SLC17A5: variants seen among roughly 807,000 people sequenced by gnomAD.
SLC17A5 encodes solute carrier family 17 member 5, also known as sialin.
In SLC17A5, 47 loss-of-function variants were observed where a neutral mutation model predicts 59.4. The observed-to-expected ratio is 0.79, with a 90% CI of 0.63 to 1.01. SLC17A5 has a LOEUF of 1.01. SLC17A5 is among the 50% of genes least tolerant of loss of function. SLC17A5 has a pLI of 0.00. For synonymous variants in SLC17A5, 202 were observed against 210.7 expected, an observed-to-expected ratio of 0.96 and a Z score of 0.36; for missense variants, 522 against 595.5, an observed-to-expected ratio of 0.88 and a Z score of 1.28.
chr6:73,627,817 C>T (rs1045402046), intron 6 of SLC17A5, among the ~76,000 whole-genome samples: 2 of 151,770 alleles, frequency 1.3e-5, no homozygotes, highest in Admixed American at 6.6e-5. Flanking sequence ...TTAGTAGAGA[C>T]AGGGTTTCAC....
At chr6:73,650,792 TAA>T (rs1349234840) in intron 1 of SLC17A5, among the ~76,000 whole-genome samples, 11 of 152,064 alleles carry the variant, frequency 7.2e-5, no homozygotes, top group Admixed American at 5.2e-4. Context: ...CACTAGAATA[TAA>T]AAGTCTATAA....
intron 6 of SLC17A5, 118 bp downstream of exon 6, chr6:73,635,264 C>A: frequency 1.6e-6 from 1 of 640,302 alleles, no homozygotes. Flanking sequence ...ATTTCATTTG[C>A]CTATTCTACT....
intron 9 of SLC17A5, 70 bp downstream of exon 9, chr6:73,610,330 G>A: frequency 6.4e-7 from 1 of 1,568,658 alleles, no homozygotes; most frequent in East Asian, 2.3e-5. Context: ...CACCGCCTCT[G>A]GCCTTTTATC....
At chr6:73,613,942 G>T (rs1245481480) in intron 8 of SLC17A5, among the ~76,000 whole-genome samples, 1 of 151,828 alleles carries the variant, frequency 6.6e-6, no homozygotes, top group Admixed American at 6.6e-5. Flanking sequence ...AATAAAGCGA[G>T]ACCTTGTCCC....
rs1452322842 is a variant in SLC17A5, at chr6:73,602,589, A to G, written c.1260-2148T>C. Among the ~76,000 whole-genome samples the G allele has an allele frequency of 7.9e-5, 12 of 152,268 alleles. No homozygotes were observed. The East Asian group carries it at 1.9e-3, about 25-fold the overall frequency. On this transcript the variant is annotated intron_variant, in intron 9 of 10. Coordinates refer to ENST00000355773, the MANE Select transcript of SLC17A5 (RefSeq NM_012434.5). The stretch of plus-strand genomic sequence containing the variant: ...GGAGATCGAGACCATGCTGGCTAAC[A>G]TGGTGAAACCCCGTCTCTACCAAAA...
chr6:73,607,695 C>A (rs1324966657), intron 9 of SLC17A5, among the ~76,000 whole-genome samples: 1 of 152,050 alleles, frequency 6.6e-6, no homozygotes, highest in African/African-American at 2.4e-5. Context: ...CCTAAGCTAC[C>A]TTTCAGATTT....
intron 9 of SLC17A5, among the ~76,000 whole-genome samples, chr6:73,606,209 A>C (rs927293355): frequency 4.6e-5 from 7 of 151,612 alleles, no homozygotes; most frequent in African/African-American, 1.7e-4. Flanking sequence ...CACCTGGTTA[A>C]TTTTTGTATT....
At chr6:73,641,200 C>T (rs1270934256) in intron 3 of SLC17A5, among the ~76,000 whole-genome samples, 2 of 152,138 alleles carry the variant, frequency 1.3e-5, no homozygotes, top group African/African-American at 2.4e-5. Flanking sequence ...CCACTTCATC[C>T]TCCCGAGTAG....
chr6:73,600,204 C>T (rs1766991602), intron 10 of SLC17A5, 147 bp downstream of exon 10: 1 of 687,490 alleles, frequency 1.5e-6, no homozygotes, highest in Admixed American at 2.4e-5. Context: ...ATATACTTTC[C>T]CATCCATTAA....
chr6:73,609,624 A>C (rs1159625535), intron 9 of SLC17A5, among the ~76,000 whole-genome samples: 1 of 152,212 alleles, frequency 6.6e-6, no homozygotes, highest in East Asian at 1.9e-4. Context: ...CCCTGAGGAC[A>C]ATAAGGGAGT....
chr6:73,653,924 A>T lies in SLC17A5; in HGVS notation c.-38T>A. 1 of 1,546,062 alleles carries T rather than the reference A, an allele frequency of 6.5e-7. No individual in the cohort carries two copies. The highest frequency in any genetic ancestry group is 8.8e-7 in the Non-Finnish European group (1 of 1,137,294). ...AGCAGGTGTACTCGCCACCTGGCAG[A>T]GAAGGGAGCGCCGGCCCGACAGCCC... On this transcript the variant is annotated 5_prime_UTR_variant, in exon 1 of 11. Coordinates refer to ENST00000355773, the MANE Select transcript of SLC17A5 (RefSeq NM_012434.5).
intron 9 of SLC17A5, 76 bp downstream of exon 9, chr6:73,610,324 G>C: frequency 6.5e-7 from 1 of 1,548,256 alleles, no homozygotes; most frequent in Non-Finnish European, 8.9e-7. Context: ...GTGAGTCACC[G>C]CCTCTGGCCT....
intron 1 of SLC17A5, among the ~76,000 whole-genome samples, chr6:73,650,212 A>AG (rs1562002839): frequency 1.1e-5 from 1 of 88,460 alleles, no homozygotes; most frequent in African/African-American, 3.4e-5. Context: ...AAAAAAAAAA[A>AG]AAAGAAAGAA....
chr6:73,624,241 T>C (rs1768293395), intron 6 of SLC17A5, among the ~76,000 whole-genome samples: 1 of 151,712 alleles, frequency 6.6e-6, no homozygotes, highest in Admixed American at 6.6e-5. Flanking sequence ...CTGTCTCTAC[T>C]AAAAATACAA....
chr6:73,644,616 T>C lies in SLC17A5; in HGVS notation c.95-13A>G, dbSNP rs1181668892. On this transcript the variant is annotated splice_polypyrimidine_tract_variant and intron_variant, in intron 1 of 10. Transcript: ENST00000355773. The stretch of plus-strand genomic sequence containing the variant: ...CAGCACACTGGAGCTGAAATAAAGA[T>C]TGGGGAAAATTTTTATTTATTTTTA... The C allele has an allele frequency of 6.8e-6, 11 of 1,608,476 alleles. No homozygotes were observed. The highest frequency in any genetic ancestry group is 7.6e-6 in the Non-Finnish European group (9 of 1,176,664).
At chr6:73,638,938 T>C (rs918774340) in intron 3 of SLC17A5, among the ~76,000 whole-genome samples, 1 of 152,220 alleles carries the variant, frequency 6.6e-6, no homozygotes, top group African/African-American at 2.4e-5. Context: ...TCAAGGTTAA[T>C]TTTACTCATT....
chr6:73,638,492 G>GT lies in SLC17A5; in HGVS notation c.532dup (p.Thr178AsnfsTer17), dbSNP rs1769129693. 1 of 1,612,482 alleles carries GT rather than the reference G, an allele frequency of 6.2e-7. No homozygotes were observed. The highest frequency in any genetic ancestry group is 1.3e-5 in the African/African-American group (1 of 75,024). On this transcript the variant is annotated frameshift_variant, in exon 4 of 11. Coordinates refer to ENST00000355773, the MANE Select transcript of SLC17A5 (RefSeq NM_012434.5). LOFTEE classifies it high-confidence loss of function. Reference sequence around the variant, plus strand: ...CCACATGGCATGCATGGCTGGAAATGTAACACCCTGAGAGAAGGGAACATG... The same window carrying GT: ...CCACATGGCATGCATGGCTGGAAATGTTAACACCCTGAGAGAAGGGAACATG...
At chr6:73,625,764 C>T (rs1434168379) in intron 6 of SLC17A5, among the ~76,000 whole-genome samples, 2 of 152,024 alleles carry the variant, frequency 1.3e-5, no homozygotes, top group East Asian at 1.9e-4. Flanking sequence ...ATAAGAATCA[C>T]CCAGGGGAGC....
At chr6:73,642,123 C>T (rs767193794) in intron 2 of SLC17A5, among the ~76,000 whole-genome samples, 199 bp from the exon 3 acceptor site, 3 of 152,318 alleles carry the variant, frequency 2.0e-5, no homozygotes, top group Middle Eastern at 6.8e-3. Flanking sequence ...AAAGAACTGA[C>T]AGTCGTAAAC....
Sources: allele counts gnomAD v4.1 joint callset (sites outside exome capture counted in the v4.1 genomes callset), GRCh38; gene constraint gnomAD v4.1.1; transcripts MANE v1.5; gene names NCBI Gene and HGNC (gene_info 2026-07-23, HGNC 2026-07-21).